Variants in SGK1 observed in about 807,000 individuals in gnomAD.
SGK1 encodes the protein serum/glucocorticoid regulated kinase 1, also known as serine/threonine-protein kinase Sgk1.
Under a neutral mutation model 64.2 loss-of-function variants are expected in SGK1, and 26 were observed. The ratio of observed to expected loss-of-function variants is 0.40; its 90% CI spans 0.30 to 0.56. The LOEUF is 0.56. Among genes scored for constraint, SGK1 ranks in the 20% least tolerant of loss-of-function variants. SGK1 has a pLI of 0.38. For synonymous variants in SGK1, 265 were observed against 239.7 expected, an observed-to-expected ratio of 1.11 and a Z score of -0.98; for missense variants, 519 against 645.6, an observed-to-expected ratio of 0.80 and a Z score of 2.12.
intron 1 of SGK1, among the ~76,000 whole-genome samples, chr6:134,269,925 TC>T (rs1362047854): frequency 2.7e-5 from 4 of 146,572 alleles, no homozygotes; most frequent in African/African-American, 9.9e-5. Context: ...TTTCTCTCTC[TC>T]TTTTTTTTTT....
At chr6:134,173,820 C>A in intron 5 of SGK1, 185 bp downstream of exon 5, 1 of 584,502 alleles carries the variant, frequency 1.7e-6, no homozygotes, top group Non-Finnish European at 2.9e-6. Context: ...TAAAATATGC[C>A]CAGGAAAAAA....
intron 1 of SGK1, among the ~76,000 whole-genome samples, chr6:134,282,788 A>C (rs1471079623): frequency 6.6e-6 from 1 of 151,678 alleles, no homozygotes; most frequent in African/African-American, 2.4e-5. Flanking sequence ...GCAGCCTAAG[A>C]CTTCTGGCCT....
intron 12 of SGK1, 48 bp from the exon 13 acceptor site, chr6:134,170,963 G>A (rs755318203): frequency 6.2e-7 from 1 of 1,607,442 alleles, no homozygotes; most frequent in Non-Finnish European, 8.5e-7. Flanking sequence ...CATTCAATAA[G>A]GGCAGGGAGG....
intron 1 of SGK1, 98 bp from the exon 2 acceptor site, chr6:134,262,246 A>G: frequency 1.2e-6 from 1 of 815,816 alleles, no homozygotes. Context: ...GGAGCTCATG[A>G]AAGGAGAACT....
At chr6:134,316,155 C>G (rs1045634000) in intron 1 of SGK1, among the ~76,000 whole-genome samples, 2 of 152,214 alleles carry the variant, frequency 1.3e-5, no homozygotes, top group Admixed American at 6.5e-5. Context: ...AGAACTCAGT[C>G]AAGGGTGCTT....
chr6:134,306,911 A>AGGT (rs1554228770), intron 1 of SGK1, among the ~76,000 whole-genome samples: 1 of 106,922 alleles, frequency 9.4e-6, no homozygotes, highest in Non-Finnish European at 1.9e-5. Flanking sequence ...AAGAAATAAA[A>AGGT]GGGGGGGGGG....
At chr6:134,255,091 A>G (rs1017128078) in intron 2 of SGK1, among the ~76,000 whole-genome samples, 1 of 152,056 alleles carries the variant, frequency 6.6e-6, no homozygotes, top group African/African-American at 2.4e-5. Context: ...GCTGGTCTCA[A>G]ACTCTGACCT....
At position 134,173,638 on chromosome 6, in the gene SGK1, T is replaced by C. The variant is rs1775110437; in HGVS notation, c.514-72A>G. The stretch of plus-strand genomic sequence containing the variant: ...GAAGACATCTATAACATAAACGATG[T>C]AGAAAATGTTACATCTACAAATGAC... On this transcript the variant is annotated intron_variant, in intron 5 of 13. Coordinates refer to ENST00000367858, the MANE Select transcript of SGK1 (RefSeq NM_001143676.3). 5.9e-6 allele frequency: 6 copies of C among 1,024,864 alleles called. No homozygotes were observed. In the South Asian group the frequency reaches 6.1e-5, roughly 10 times the overall value. The allele number at this position is 1,024,864 out of a possible 1,614,324, so 63.5% of individuals were successfully genotyped here. A position where few individuals can be genotyped will look rare whatever the true frequency, so the allele number is the denominator to read the frequency against.
At chr6:134,298,530 C>T in intron 1 of SGK1, 1 of 803,954 alleles carries the variant, frequency 1.2e-6, no homozygotes, top group Non-Finnish European at 2.2e-6. Flanking sequence ...GCCGCTGGCC[C>T]CACCATAGCC....
intron 2 of SGK1, among the ~76,000 whole-genome samples, chr6:134,238,263 G>C (rs1012374105): frequency 1.4e-4 from 22 of 152,216 alleles, no homozygotes; most frequent in African/African-American, 5.3e-4. Flanking sequence ...CCATAAGGTC[G>C]TGGAGAATCA....
intron 1 of SGK1, among the ~76,000 whole-genome samples, chr6:134,311,349 T>TA: frequency 6.6e-6 from 1 of 152,152 alleles, no homozygotes; most frequent in Non-Finnish European, 1.5e-5. Context: ...TTTCTGTCCT[T>TA]AAAGACCTTC....
intron 1 of SGK1, chr6:134,283,211 C>A (rs920295355): frequency 5.3e-5 from 8 of 151,950 alleles, no homozygotes. Context: ...TATATACAGG[C>A]TGGGTGCGGT....
chr6:134,231,563 T>G (rs1249017673), intron 2 of SGK1, among the ~76,000 whole-genome samples: 2 of 152,236 alleles, frequency 1.3e-5, no homozygotes, highest in Non-Finnish European at 2.9e-5. Context: ...CTTTAAATGC[T>G]CAATATTTTT....
chr6:134,287,621 A>G (rs149593933), intron 1 of SGK1, among the ~76,000 whole-genome samples: 159 of 151,680 alleles, frequency 1.0e-3, no homozygotes, highest in Middle Eastern at 0.01. Flanking sequence ...TAAGACTACT[A>G]TAAGGATAGT....
intron 1 of SGK1, among the ~76,000 whole-genome samples, chr6:134,285,329 T>C (rs1035238399): frequency 7.2e-5 from 11 of 152,112 alleles, no homozygotes; most frequent in African/African-American, 2.7e-4. Flanking sequence ...ATACAAAAAA[T>C]TAGCCAAGCA....
At chr6:134,298,709 A>C (rs1582772027) in intron 1 of SGK1, 17 of 652,200 alleles carry the variant, frequency 2.6e-5, no homozygotes, top group East Asian at 4.9e-5. Context: ...TGGAGGCAGG[A>C]GTGGAGGCAG....
intron 2 of SGK1, among the ~76,000 whole-genome samples, chr6:134,237,704 T>G (rs1776386187): frequency 6.6e-6 from 1 of 152,150 alleles, no homozygotes; most frequent in Non-Finnish European, 1.5e-5. Context: ...AATATTTTCA[T>G]AAAATAAACT....
rs116423769 is a variant in SGK1, at chr6:134,227,975, C to T, written c.286-20544G>A. On this transcript the variant is annotated intron_variant, in intron 2 of 13. Coordinates refer to ENST00000367858, the MANE Select transcript of SGK1 (RefSeq NM_001143676.3). ...TTTTTTTTTTTTTTTTTTTTGGAGACGGAGAGTCTTGGTCTGTCACCCAGG... is the reference window on the plus strand; with the variant it reads ...TTTTTTTTTTTTTTTTTTTTGGAGATGGAGAGTCTTGGTCTGTCACCCAGG... 9.1e-3 allele frequency among the ~76,000 whole-genome samples: 817 copies of T among 89,802 alleles called. 17 individuals carry two copies. The highest frequency in any genetic ancestry group is 0.032 in the African/African-American group (727 of 22,600). The allele number at this position is 89,802 out of a possible 152,430, so 58.9% of individuals were successfully genotyped here.
intron 2 of SGK1, among the ~76,000 whole-genome samples, chr6:134,250,726 T>C (rs1776594250): frequency 6.6e-6 from 1 of 152,222 alleles, no homozygotes. Flanking sequence ...GATTAAATTA[T>C]ATGGTTTTAA....
Sources: allele counts gnomAD v4.1 joint callset (sites outside exome capture counted in the v4.1 genomes callset), GRCh38; gene constraint gnomAD v4.1.1; transcripts MANE v1.5; gene names NCBI Gene and HGNC (gene_info 2026-07-23, HGNC 2026-07-21).